The following CLYBL variants were observed in gnomAD, a reference collection of about 807,000 sequenced individuals.
CLYBL encodes the protein citramalyl-CoA lyase, also known as citramalyl-CoA lyase, mitochondrial.
A neutral mutation model predicts 38.9 loss-of-function variants in CLYBL; 31 were observed. That is an observed-to-expected ratio of 0.80 (90% CI 0.60 to 1.08). The LOEUF is 1.08. Among genes scored for constraint, CLYBL ranks in the 50% least tolerant of loss-of-function variants. The pLI, the probability that CLYBL is intolerant of heterozygous loss-of-function variation, is 0.00. For missense variants in CLYBL, 434 were observed against 411.6 expected (o/e 1.05, Z -0.47); for synonymous variants, 171 against 158.6 (o/e 1.08, Z -0.59).
chr13:99,686,684 C>G (rs1483654852), intron 1 of CLYBL, among the ~76,000 whole-genome samples: 1 of 152,190 alleles, frequency 6.6e-6, no homozygotes, highest in Admixed American at 6.5e-5. Context: ...TTACTTTCTC[C>G]TGAAATCTCC....
intron 1 of CLYBL, among the ~76,000 whole-genome samples, chr13:99,721,478 T>TTTA: frequency 6.6e-6 from 1 of 151,334 alleles, no homozygotes; most frequent in South Asian, 2.1e-4. Flanking sequence ...TTTAAATATA[T>TTTA]ATATATATTT....
intron 1 of CLYBL, among the ~76,000 whole-genome samples, chr13:99,719,527 A>T (rs1329452004): frequency 6.6e-6 from 1 of 151,326 alleles, no homozygotes; most frequent in Non-Finnish European, 1.5e-5. Flanking sequence ...TTTTTTGGAG[A>T]CGGAGTTTTG....
intron 2 of CLYBL, among the ~76,000 whole-genome samples, chr13:99,840,793 C>T (rs1342314903): frequency 3.2e-5 from 4 of 125,262 alleles, no homozygotes; most frequent in Admixed American, 1.6e-4. Context: ...GTTACATATG[C>T]ATATGAAAAA....
chr13:99,732,174 T>G (rs913307096), intron 1 of CLYBL, among the ~76,000 whole-genome samples: 4 of 147,208 alleles, frequency 2.7e-5, no homozygotes, highest in Non-Finnish European at 4.5e-5. Context: ...TGGCAGTTTT[T>G]TTTTTTTTTT....
intron 2 of CLYBL, among the ~76,000 whole-genome samples, chr13:99,791,951 C>T (rs2049926195): frequency 6.6e-6 from 1 of 152,146 alleles, no homozygotes; most frequent in Non-Finnish European, 1.5e-5. Flanking sequence ...AAGCTTCCCC[C>T]CTCAATGGTA....
intron 2 of CLYBL, among the ~76,000 whole-genome samples, chr13:99,823,222 CT>C (rs1013190437): frequency 2.0e-5 from 3 of 152,058 alleles, no homozygotes; most frequent in African/African-American, 7.2e-5. Flanking sequence ...GGTTTCTTTT[CT>C]TTCTTAATTT....
chr13:99,838,977 C>A (rs9517895), intron 2 of CLYBL, among the ~76,000 whole-genome samples: 56,969 of 152,148 alleles, frequency 0.37, 11,921 homozygotes, highest in Non-Finnish European at 0.46. Flanking sequence ...GAAAACTGAG[C>A]AACTGGTATT....
intron 1 of CLYBL, among the ~76,000 whole-genome samples, chr13:99,704,719 A>G (rs2048120025): frequency 6.6e-6 from 1 of 152,190 alleles, no homozygotes; most frequent in Admixed American, 6.5e-5. Context: ...TGTGTTGTTT[A>G]AGTTGATATA....
chr13:99,747,911 A>C (rs1299334732), intron 1 of CLYBL, among the ~76,000 whole-genome samples: 2 of 152,192 alleles, frequency 1.3e-5, no homozygotes, highest in African/African-American at 2.4e-5. Context: ...AGGCCAATAG[A>C]TGGGGTAATT....
At chr13:99,704,987 A>G (rs1335225908) in intron 1 of CLYBL, among the ~76,000 whole-genome samples, 3 of 152,210 alleles carry the variant, frequency 2.0e-5, no homozygotes, top group African/African-American at 4.8e-5. Flanking sequence ...TTATGCATCT[A>G]TTTACAACAT....
chr13:99,699,758 C>T (rs2048034655), intron 1 of CLYBL, among the ~76,000 whole-genome samples: 1 of 151,122 alleles, frequency 6.6e-6, no homozygotes, highest in Non-Finnish European at 1.5e-5. Context: ...CTTTGGGAGG[C>T]CAAGGTGGGC....
intron 1 of CLYBL, among the ~76,000 whole-genome samples, chr13:99,731,155 G>A (rs942816955): frequency 2.0e-5 from 3 of 146,982 alleles, no homozygotes; most frequent in Admixed American, 2.0e-4. Flanking sequence ...GTTGTACTTT[G>A]TTAATATAGA....
At chr13:99,659,032 T>A (rs920054971) in intron 1 of CLYBL, among the ~76,000 whole-genome samples, 4 of 152,228 alleles carry the variant, frequency 2.6e-5, no homozygotes, top group Non-Finnish European at 5.9e-5. Flanking sequence ...TTGCTTAGTA[T>A]TTTTTGAAGT....
rs539437702 is a variant in CLYBL at position 99,677,139 on chromosome 13, A to G, written c.62+70382A>G. Reference sequence around the variant, plus strand: ...TTTTTCTGTTCCTGGAGGTAATGCAATAAGTCACCTCAAAAAGGGCAGAGA... The same window carrying G: ...TTTTTCTGTTCCTGGAGGTAATGCAGTAAGTCACCTCAAAAAGGGCAGAGA... On this transcript the variant is annotated intron_variant, in intron 1 of 8. Transcript: ENST00000339105. 6.0e-4 allele frequency among the ~76,000 whole-genome samples: 91 copies of G among 152,256 alleles called. 1 individual carries two copies. In the South Asian group the frequency reaches 0.011, roughly 18 times the overall value.
intron 1 of CLYBL, among the ~76,000 whole-genome samples, chr13:99,747,688 A>G (rs999211014): frequency 6.6e-6 from 1 of 152,322 alleles, no homozygotes; most frequent in Non-Finnish European, 1.5e-5. Flanking sequence ...TGCCTGGACA[A>G]CTAGGGCTGT....
chr13:99,720,180 A>G (rs554848959), intron 1 of CLYBL, among the ~76,000 whole-genome samples: 5 of 151,794 alleles, frequency 3.3e-5, no homozygotes, highest in African/African-American at 1.2e-4. Flanking sequence ...GAAATTATAC[A>G]TTCTATTTTT....
chr13:99,809,066 A>G (rs1376007080), intron 2 of CLYBL, among the ~76,000 whole-genome samples: 1 of 152,202 alleles, frequency 6.6e-6, no homozygotes, highest in Non-Finnish European at 1.5e-5. Context: ...TTACCCTGGT[A>G]CTATATGCTT....
chr13:99,848,770 G>C (rs944191235), intron 2 of CLYBL, among the ~76,000 whole-genome samples: 1 of 152,206 alleles, frequency 6.6e-6, no homozygotes, highest in Non-Finnish European at 1.5e-5. Context: ...AAAACACAGA[G>C]TAAAAGTGGG....
chr13:99,878,645 C>T (rs1161795828), intron 7 of CLYBL, among the ~76,000 whole-genome samples: 1 of 152,104 alleles, frequency 6.6e-6, no homozygotes, highest in South Asian at 2.1e-4. Flanking sequence ...GCAAATCGTA[C>T]CTCAATAAAG....
Sources: gnomAD v4.1 joint callset for allele counts (sites outside exome capture counted in the v4.1 genomes callset) on GRCh38, gnomAD v4.1.1 for gene constraint, MANE v1.5 for transcripts, NCBI Gene and HGNC (gene_info 2026-07-23, HGNC 2026-07-21) for gene names.